SYN3: variants seen among roughly 807,000 people sequenced by gnomAD.
SYN3 encodes synapsin III, also known as synapsin-3.
A neutral mutation model predicts 65.8 loss-of-function variants in SYN3; 35 were observed. The observed-to-expected ratio is 0.53, with a 90% CI of 0.41 to 0.70. The LOEUF (loss-of-function observed/expected upper bound fraction) is 0.70. SYN3 is among the 30% of genes least tolerant of loss of function. The pLI is 0.00. For synonymous variants in SYN3, 270 were observed against 292.9 expected, an observed-to-expected ratio of 0.92 and a Z score of 0.80; for missense variants, 680 against 749.0, an observed-to-expected ratio of 0.91 and a Z score of 1.08.
intron 6 of SYN3, among the ~76,000 whole-genome samples, chr22:32,674,868 G>A (rs2060418707): frequency 1.3e-5 from 2 of 152,190 alleles, no homozygotes; most frequent in Non-Finnish European, 2.9e-5. Flanking sequence ...ACCAAAACTT[G>A]CAGGCGCTTT....
At chr22:32,800,143 A>G (rs1569233606) in intron 6 of SYN3, among the ~76,000 whole-genome samples, 1 of 152,210 alleles carries the variant, frequency 6.6e-6, no homozygotes, top group Non-Finnish European at 1.5e-5. Context: ...TGCTGTCCCA[A>G]TGTCACTTGT....
intron 6 of SYN3, among the ~76,000 whole-genome samples, chr22:32,792,694 G>A (rs185704178): frequency 6.6e-6 from 1 of 152,288 alleles, no homozygotes; most frequent in East Asian, 1.9e-4. Flanking sequence ...AAACAGAGAT[G>A]CATCTCACTT....
At chr22:32,980,783 G>C (rs1291945966) in intron 2 of SYN3, 81 bp from the exon 3 acceptor site, 2 of 1,267,304 alleles carry the variant, frequency 1.6e-6, no homozygotes, top group Non-Finnish European at 2.3e-6. Context: ...CCTTACCCCA[G>C]AGGTGCATAT....
rs73884936 is a variant in SYN3 at position 32,510,230 on chromosome 22, T to G, written c.*3462A>C. On this transcript the variant is annotated 3_prime_UTR_variant, in exon 14 of 14. Coordinates refer to ENST00000358763, the MANE Select transcript of SYN3 (RefSeq NM_003490.4). ...GCTTTCCCACAGAGCCCAGCTCAGG[T>G]TTGCTGGTCTCACATCAAAGTGCAT... Among the ~76,000 whole-genome samples the G allele has an allele frequency of 0.053, 8,085 of 152,232 alleles. 676 individuals carry two copies. Among genetic ancestry groups the G allele is most frequent in the African/African-American group, 0.18 (7,465 of 41,502 alleles).
At chr22:32,820,479 AGCCGTAACTCCCCGGCACCTGGCTGGTT>A (rs1476163548) in intron 6 of SYN3, among the ~76,000 whole-genome samples, 17 of 152,164 alleles carry the variant, frequency 1.1e-4, no homozygotes, top group African/African-American at 4.1e-4. Flanking sequence ...TGCACCTGAA[AGCCGTAACTCCCCGGCACCTGGCTGGTT>A]GACTTCTTCC....
chr22:32,877,429 A>G (rs767212264), intron 4 of SYN3, among the ~76,000 whole-genome samples: 34 of 152,184 alleles, frequency 2.2e-4, no homozygotes, highest in Non-Finnish European at 3.5e-4. Context: ...TGGCTCTAGA[A>G]TAGGGTTTCC....
At chr22:32,791,236 T>C (rs1038104581) in intron 6 of SYN3, among the ~76,000 whole-genome samples, 3 of 152,232 alleles carry the variant, frequency 2.0e-5, no homozygotes, top group African/African-American at 7.2e-5. Flanking sequence ...TAGTTACTTA[T>C]TGTTTGATCT....
At chr22:32,805,473 G>C (rs1256358378) in intron 6 of SYN3, among the ~76,000 whole-genome samples, 1 of 152,216 alleles carries the variant, frequency 6.6e-6, no homozygotes, top group East Asian at 1.9e-4. Flanking sequence ...AGAGGCGCCA[G>C]CACTTGGTAG....
At chr22:32,542,630 A>ATG (rs3838157) in intron 7 of SYN3, among the ~76,000 whole-genome samples, 249 of 135,400 alleles carry the variant, frequency 1.8e-3, no homozygotes, top group South Asian at 4.7e-3. Flanking sequence ...GTTTGTGTGT[A>ATG]TGTGTGTGTG....
chr22:32,599,324 CT>C (rs58109238), intron 6 of SYN3, among the ~76,000 whole-genome samples: 20,916 of 143,794 alleles, frequency 0.15, 2,553 homozygotes, highest in African/African-American at 0.32. Flanking sequence ...CCCTGATGTA[CT>C]TTTTTTTTTT....
Position 32,518,306 on chromosome 22 carries a change from C to T in SYN3, c.1347G>A (p.Gln449=), listed in dbSNP as rs1331520278. ...GGGAGGGGCTTCCAGATCTCTGGGGCTGAGGAGACTGAGCTTGGCGAGGGC... is the reference window on the plus strand; with the variant it reads ...GGGAGGGGCTTCCAGATCTCTGGGGTTGAGGAGACTGAGCTTGGCGAGGGC... ...QGGPRQAQSP[Q]PQRSGSPSQQ... The change falls in exon 13 of 14, where the codon CAG becomes CAA. Residue 449 remains glutamine, a synonymous_variant. Coordinates refer to ENST00000358763, the MANE Select transcript of SYN3 (RefSeq NM_003490.4). 4 of 1,608,482 alleles carry T rather than the reference C, an allele frequency of 2.5e-6. No individual in the cohort carries two copies. The highest frequency in any genetic ancestry group is 1.1e-5 in the South Asian group (1 of 90,370).
rs201777289 is a variant in SYN3 at position 32,668,685 on chromosome 22, C to A, written c.712-71949G>T. On this transcript the variant is annotated intron_variant, in intron 6 of 13. Transcript: ENST00000358763. The stretch of plus-strand genomic sequence containing the variant: ...CAAACAGCATGGAATTAGGGCTGCC[C>A]AAATGTAATGCATGCTACACAAAAA... 6.2e-3 allele frequency among the ~76,000 whole-genome samples: 942 copies of A among 152,228 alleles called. 9 individuals are homozygous for A. The highest frequency in any genetic ancestry group is 0.022 in the African/African-American group (914 of 41,524).
At position 32,943,833 on chromosome 22, in the gene SYN3, G is replaced by C. The variant is rs574063183; in HGVS notation, c.370-12352C>G. On this transcript the variant is annotated intron_variant, in intron 3 of 13. Transcript: ENST00000358763. ...ATAAAACAGACTTTAAACCGGCAAA[G>C]ATCAAAAGAGACAAAGAAGACCATT... Among the ~76,000 whole-genome samples, 4 of 152,216 alleles carry C rather than the reference G, an allele frequency of 2.6e-5. 1 individual carries two copies. In the South Asian group the frequency reaches 8.3e-4, roughly 32 times the overall value.
At chr22:32,892,875 T>A (rs1299060951) in intron 4 of SYN3, among the ~76,000 whole-genome samples, 2 of 151,872 alleles carry the variant, frequency 1.3e-5, no homozygotes, top group Non-Finnish European at 2.9e-5. Context: ...GGTGAATGAG[T>A]GAATTGTAAA....
At chr22:32,990,387 C>CCCATCCATCCACCCAT (rs2052672027) in intron 2 of SYN3, among the ~76,000 whole-genome samples, 2 of 137,824 alleles carry the variant, frequency 1.5e-5, no homozygotes, top group Non-Finnish European at 3.1e-5. Context: ...CATCCATCCA[C>CCCATCCATCCACCCAT]CCATCCATCC....
chr22:32,694,594 G>A (rs922246185), intron 6 of SYN3, among the ~76,000 whole-genome samples: 6 of 152,162 alleles, frequency 3.9e-5, no homozygotes, highest in African/African-American at 9.7e-5. Context: ...ACAGCTGAAG[G>A]CAGTTGAAAA....
chr22:32,968,243 C>T (rs1184983604), intron 3 of SYN3, among the ~76,000 whole-genome samples: 1 of 152,154 alleles, frequency 6.6e-6, no homozygotes, highest in Non-Finnish European at 1.5e-5. Flanking sequence ...AACACAGTGG[C>T]GAGGATGTAC....
rs901117384 is a variant in SYN3 at position 32,801,185 on chromosome 22, AAGAG to A, written c.711+63726_711+63729del. On this transcript the variant is annotated intron_variant, in intron 6 of 13. Transcript: ENST00000358763. This position sits in a 1 kb window ranked among gnomAD's most constrained non-coding sequence, Gnocchi z 4.7. ...AGAGTAAGAACCAGAGAGAGAGAGA[AAGAG>A]AGAGAGTTTGGGTCTTTCTCCTCTG... is the stretch of plus-strand genomic sequence containing the variant. 2.0e-5 allele frequency among the ~76,000 whole-genome samples: 3 copies of A among 152,116 alleles called. No homozygotes were observed. Among genetic ancestry groups the A allele is most frequent in the Admixed American group, 6.5e-5 (1 of 15,282 alleles).
chr22:32,678,647 C>T (rs1484759150), intron 6 of SYN3, among the ~76,000 whole-genome samples: 1 of 150,328 alleles, frequency 6.7e-6, no homozygotes, highest in Non-Finnish European at 1.5e-5. Flanking sequence ...TTCTCCTTCT[C>T]CTTCTCCATC....
Sources: gnomAD v4.1 joint callset for allele counts (sites outside exome capture counted in the v4.1 genomes callset) on GRCh38, gnomAD v4.1.1 for gene constraint, Gnocchi (gnomAD v3.1) non-coding constraint, MANE v1.5 for transcripts, NCBI Gene and HGNC (gene_info 2026-07-23, HGNC 2026-07-21) for gene names.